USP36: variants seen among roughly 807,000 people sequenced by gnomAD.
The protein encoded by USP36 is ubiquitin specific peptidase 36.
A neutral mutation model predicts 111.5 loss-of-function variants in USP36; 59 were observed. The observed-to-expected ratio is 0.53, with a 90% CI of 0.43 to 0.66. The LOEUF is 0.66. USP36 is among the 30% of genes least tolerant of loss of function. USP36 has a pLI of 0.00. For missense variants in USP36, 1,488 were observed against 1,468.0 expected, an observed-to-expected ratio of 1.01 and a Z score of -0.22; for synonymous variants, 628 against 581.0, an observed-to-expected ratio of 1.08 and a Z score of -1.16.
In USP36 at chr17:78,806,269, C is replaced by T. The variant is rs2093899106; in HGVS notation, c.2103G>A (p.Arg701=). ...LSAKKASTLW[R]ATGNDLRPPP... is the part of the protein sequence containing the mutation. Reference sequence around the variant, plus strand: ...GTGGACGGAGGTCATTGCCGGTCGCCCTCCACAGGGTGCTGGCCTGCAGTT... The same window carrying T: ...GTGGACGGAGGTCATTGCCGGTCGCTCTCCACAGGGTGCTGGCCTGCAGTT... The change falls in exon 15 of 21, where the codon AGG becomes AGA. Residue 701 remains arginine (R), a synonymous_variant. Transcript: ENST00000449938. 6.2e-7 allele frequency: 1 copy of T among 1,613,738 alleles called. No individual in the cohort carries two copies.
At chr17:78,818,008 T>G (rs959512488) in intron 10 of USP36, among the ~76,000 whole-genome samples, 1 of 152,060 alleles carries the variant, frequency 6.6e-6, no homozygotes, top group African/African-American at 2.4e-5. Flanking sequence ...TCGCTTGAGC[T>G]TGGGAGGTCA....
At chr17:78,829,106 C>T (rs1161064590) in intron 4 of USP36, 99 bp from the exon 5 acceptor site, 1 of 982,644 alleles carries the variant, frequency 1.0e-6, no homozygotes, top group Non-Finnish European at 1.5e-6. Flanking sequence ...GAAACACAAG[C>T]AGGTAAGAGC....
intron 8 of USP36, among the ~76,000 whole-genome samples, chr17:78,820,473 A>G (rs769378558): frequency 7.2e-5 from 11 of 152,166 alleles, no homozygotes; most frequent in Non-Finnish European, 1.5e-4. Context: ...TCAAGCCCCT[A>G]TAAAAAAAAA....
chr17:78,823,655 G>A (rs2094384494), intron 6 of USP36, among the ~76,000 whole-genome samples: 1 of 152,164 alleles, frequency 6.6e-6, no homozygotes, highest in Non-Finnish European at 1.5e-5. Context: ...CACGCAGCTG[G>A]AGTAGCAGTC....
At position 78,804,691 on chromosome 17, in the gene USP36, T is replaced by A. The variant is rs200340355; in HGVS notation, c.2217-713A>T. ...GTGATTTTAAAAGTCAAAAAAAAAA[T>A]TTTTTTTTTTTTAAAAGGCAAAGTT... On this transcript the variant is annotated intron_variant, in intron 15 of 20. Transcript: ENST00000449938. Among the ~76,000 whole-genome samples the A allele has an allele frequency of 0.01, 995 of 94,956 alleles. 41 individuals carry two copies. In the East Asian group the frequency reaches 0.16, roughly 15 times the overall value. 62.3% of individuals were successfully genotyped at this position (94,956 alleles called of 152,430 possible).
At chr17:78,832,766 C>G (rs541709662) in intron 4 of USP36, among the ~76,000 whole-genome samples, 3 of 152,300 alleles carry the variant, frequency 2.0e-5, no homozygotes, top group African/African-American at 7.2e-5. Context: ...CAACAGCCAT[C>G]TAGTCAAATC....
rs2093818254 is a variant in USP36 at position 78,803,794 on chromosome 17, C to A, written c.2401G>T (p.Ala801Ser). ...LVSLPHQLPE[A>S]SEPPQSPSEK... ...GAGGGGCTCTGGGGGGGCTCACTGG[C>A]CTCTGGCAACTGGTGTGGAAGAGAC... The change falls in exon 16 of 21, where the codon GCC becomes TCC. Residue 801 changes from alanine to serine, a missense_variant. Around this residue, in one of 3 missense-constraint regions of USP36, gnomAD observed 1,073 missense variants for 994.1 expected, o/e 1.08. Transcript: ENST00000449938. The surrounding 1 kb of genome is among the most constrained non-coding windows in gnomAD (Gnocchi z 4.6). 5 of 1,612,876 alleles carry A rather than the reference C, an allele frequency of 3.1e-6. No individual in the cohort carries two copies. In the East Asian group the frequency reaches 8.9e-5, roughly 29 times the overall value.
rs1285329479 is a variant in USP36, at chr17:78,803,480, C to T, written c.2715G>A (p.Thr905=). ...QVNGQQVGCV[T]DGHHASSRKR... ...TCCTGCTGCTCGCGTGGTGGCCGTC[C>T]GTAACACATCCCACCTGCTGGCCAT... The change falls in exon 16 of 21, where the codon ACG becomes ACA. Residue 905 remains threonine (T), a synonymous_variant. Transcript: ENST00000449938. This position sits in a 1 kb window ranked among gnomAD's most constrained non-coding sequence, Gnocchi z 4.6. 9 of 1,614,044 alleles carry T rather than the reference C, an allele frequency of 5.6e-6. No homozygotes were observed. The highest frequency in any genetic ancestry group is 2.2e-5 in the East Asian group (1 of 44,864).
chr17:78,819,008 A>G (rs945328398), intron 9 of USP36: 1 of 447,532 alleles, frequency 2.2e-6, no homozygotes, highest in Admixed American at 3.5e-5. Flanking sequence ...TAAAGCAAAA[A>G]AATAAAAGTA....
rs978513598 is a variant in USP36, at chr17:78,797,673, C to A, written c.*227G>T. On this transcript the variant is annotated 3_prime_UTR_variant, in exon 21 of 21. Coordinates refer to ENST00000449938, the MANE Select transcript of USP36 (RefSeq NM_001385174.1). ...CCACCTCTGCTCACACACACACTGT[C>A]GTTTCTCTTGCAGGGCTGGTCGGGA... is the stretch of plus-strand genomic sequence containing the variant. The A allele has an allele frequency of 6.6e-6, 1 of 152,364 alleles. No individual in the cohort carries two copies. The highest frequency in any genetic ancestry group is 1.5e-5 in the Non-Finnish European group (1 of 68,168). The allele number at this position is 152,364 out of a possible 1,614,324, so 9.4% of individuals were successfully genotyped here.
Position 78,838,670 on chromosome 17 carries a change from T to C in USP36, c.-93A>G, listed in dbSNP as rs1011833578. On this transcript the variant is annotated 5_prime_UTR_variant, in exon 2 of 21. Coordinates refer to ENST00000449938, the MANE Select transcript of USP36 (RefSeq NM_001385174.1). ...GGAGGGCTGAGTTTGGTTGGGCAGG[T>C]GCTACGCGGAGCTCCTGAATGTAAG... The C allele has an allele frequency of 6.6e-6, 1 of 152,210 alleles. No homozygotes were observed. Among genetic ancestry groups the C allele is most frequent in the Non-Finnish European group, 1.5e-5 (1 of 68,076 alleles). 9.4% of individuals were successfully genotyped at this position (152,210 alleles called of 1,614,324 possible).
In USP36 at chr17:78,836,113, T is replaced by G; in HGVS notation, c.251A>C (p.Gln84Pro). 1.2e-6 allele frequency: 2 copies of G among 1,613,226 alleles called. No homozygotes were observed. The highest frequency in any genetic ancestry group is 4.5e-5 in the East Asian group (2 of 44,890). The change falls in exon 3 of 21, where the codon CAG becomes CCG. Residue 84 changes from glutamine to proline, a missense_variant and splice_region_variant. Gln to Pro is a moderately conservative substitution (Grantham distance 76). Around this residue, in one of 3 missense-constraint regions of USP36, gnomAD observed 219 missense variants for 209.5 expected, o/e 1.05. Coordinates refer to ENST00000449938, the MANE Select transcript of USP36 (RefSeq NM_001385174.1). The part of the protein sequence containing the change: ...KSGDDPPARR[Q>P]GSEHTYESCG... ...GCCAGCACACTGCACATCTGTACCCTGTCTCCTGGCCGGTGGGTCATCTCC... is the reference window on the plus strand; with the variant it reads ...GCCAGCACACTGCACATCTGTACCCGGTCTCCTGGCCGGTGGGTCATCTCC...
chr17:78,823,487 G>A (rs1313281628), intron 6 of USP36, among the ~76,000 whole-genome samples: 3 of 152,164 alleles, frequency 2.0e-5, no homozygotes, highest in Admixed American at 6.5e-5. Flanking sequence ...GAGTGACAGC[G>A]AGCTCCCACA....
In USP36 at chr17:78,812,961, T is replaced by G. The variant is rs754238087; in HGVS notation, c.1306A>C (p.Arg436=). ...CCGGGAAGGGAGGAGGAGCCTGTCC[T>G]GGAGATGAGGCCCTCGGGACTTTTC... ...SKKSPEGLIS[R]TGSSSLPGRP... is the part of the protein sequence containing the mutation. The change falls in exon 13 of 21, where the codon AGG becomes CGG. Residue 436 remains arginine (R), a synonymous_variant. Coordinates refer to ENST00000449938, the MANE Select transcript of USP36 (RefSeq NM_001385174.1). 6.2e-7 allele frequency: 1 copy of G among 1,614,104 alleles called. No individual in the cohort carries two copies. Among genetic ancestry groups the G allele is most frequent in the Admixed American group, 1.7e-5 (1 of 60,012 alleles).
intron 6 of USP36, among the ~76,000 whole-genome samples, chr17:78,826,136 CAGG>C (rs983316940): frequency 8.5e-5 from 13 of 152,186 alleles, no homozygotes; most frequent in Non-Finnish European, 1.8e-4. Flanking sequence ...TGAGCCCCTT[CAGG>C]AGAAGGGGAA....
chr17:78,816,490 G>T (rs574896369), intron 10 of USP36, among the ~76,000 whole-genome samples: 2 of 152,188 alleles, frequency 1.3e-5, no homozygotes, highest in African/African-American at 4.8e-5. Flanking sequence ...GCCAAGCATG[G>T]TGGCACACAT....
At chr17:78,812,517 G>T (rs920411579) in intron 13 of USP36, among the ~76,000 whole-genome samples, 2 of 151,534 alleles carry the variant, frequency 1.3e-5, no homozygotes, top group Non-Finnish European at 2.9e-5. Flanking sequence ...GTGAAACCCC[G>T]TCTCTACTAA....
At chr17:78,839,462 G>A (rs770924504) in intron 1 of USP36, among the ~76,000 whole-genome samples, 7 of 152,174 alleles carry the variant, frequency 4.6e-5, no homozygotes, top group Non-Finnish European at 1.0e-4. Context: ...ACATCCAGTC[G>A]TATTAAAAAC....
rs1449740381 is a variant in USP36 at position 78,803,087 on chromosome 17, T to C, written c.2810+298A>G. On this transcript the variant is annotated intron_variant, in intron 16 of 20. Coordinates refer to ENST00000449938, the MANE Select transcript of USP36 (RefSeq NM_001385174.1). The surrounding 1 kb of genome is among the most constrained non-coding windows in gnomAD (Gnocchi z 4.6). ...CTGAGTAGCTGGGACTATAGGTGCA[T>C]GCCACCATGCCCAACCAATTTTTGT... Among the ~76,000 whole-genome samples the C allele has an allele frequency of 6.6e-6, 1 of 152,032 alleles. No individual in the cohort carries two copies. Among genetic ancestry groups the C allele is most frequent in the Non-Finnish European group, 1.5e-5 (1 of 67,992 alleles).
Sources: gnomAD v4.1 joint callset for allele counts (sites outside exome capture counted in the v4.1 genomes callset) on GRCh38, gnomAD v4.1.1 for gene constraint, gnomAD v4.1.1 regional missense constraint, Gnocchi (gnomAD v3.1) non-coding constraint, MANE v1.5 for transcripts, NCBI Gene and HGNC (gene_info 2026-07-23, HGNC 2026-07-21) for gene names.